Variants in CACNA2D3 observed in about 807,000 individuals in gnomAD.
The protein encoded by CACNA2D3 is voltage-dependent calcium channel subunit alpha-2/delta-3.
CACNA2D3 carries 60 observed loss-of-function variants against 160.6 expected under a neutral mutation model. The ratio of observed to expected loss-of-function variants is 0.37; its 90% confidence interval spans 0.30 to 0.46. The LOEUF (loss-of-function observed/expected upper bound fraction) is 0.46, where lower values mean the gene tolerates loss of function less well. Ranked by LOEUF, CACNA2D3 falls within the 20% of genes least tolerant of loss-of-function variation. The pLI is 1.00. For missense variants in CACNA2D3, 1,205 were observed against 1,365.0 expected (o/e 0.88, Z 1.85); for synonymous variants, 558 against 492.9 (o/e 1.13, Z -1.75).
intron 35 of CACNA2D3, among the ~76,000 whole-genome samples, chr3:55,046,234 G>A (rs1287362676): frequency 3.5e-5 from 5 of 143,272 alleles, no homozygotes; most frequent in Admixed American, 6.8e-5. Context: ...TATATCTCCC[G>A]ATGCTATCCC....
At chr3:54,436,910 T>C (rs1202196272) in intron 4 of CACNA2D3, among the ~76,000 whole-genome samples, 1 of 152,068 alleles carries the variant, frequency 6.6e-6, no homozygotes, top group East Asian at 1.9e-4. Flanking sequence ...GGTATACACA[T>C]CAGAAGAAAC....
chr3:55,052,406 A>G (rs182490660), intron 35 of CACNA2D3, among the ~76,000 whole-genome samples: 23 of 151,276 alleles, frequency 1.5e-4, no homozygotes, highest in Admixed American at 1.3e-3. Flanking sequence ...TATATTCTAT[A>G]TATATGTTTG....
intron 13 of CACNA2D3, among the ~76,000 whole-genome samples, chr3:54,815,572 G>T (rs1703430941): frequency 6.6e-6 from 1 of 152,210 alleles, no homozygotes; most frequent in Admixed American, 6.5e-5. Context: ...GCTCTAGAGA[G>T]ACAGAGAGAA....
intron 3 of CACNA2D3, among the ~76,000 whole-genome samples, chr3:54,365,743 A>G (rs1348495822): frequency 6.6e-6 from 1 of 152,154 alleles, no homozygotes. Flanking sequence ...CATGCCTGTA[A>G]TCCCAGCTAC....
intron 35 of CACNA2D3, among the ~76,000 whole-genome samples, chr3:55,026,101 C>T (rs1054694935): frequency 9.2e-5 from 14 of 152,140 alleles, no homozygotes; most frequent in Admixed American, 3.3e-4. Flanking sequence ...TCAGAAGCAC[C>T]GACCCCCACA....
chr3:54,314,621 C>CCT, intron 2 of CACNA2D3, among the ~76,000 whole-genome samples: 1 of 152,188 alleles, frequency 6.6e-6, no homozygotes, highest in East Asian at 1.9e-4. Context: ...AAGGTGGTTT[C>CCT]GCATTGTGGT....
At chr3:55,023,004 AG>A (rs1219242950) in intron 35 of CACNA2D3, among the ~76,000 whole-genome samples, 1 of 151,706 alleles carries the variant, frequency 6.6e-6, no homozygotes, top group African/African-American at 2.4e-5. Flanking sequence ...ATTTAAAAAA[AG>A]CATTGCTTTT....
At chr3:54,410,594 C>T (rs546467122) in intron 4 of CACNA2D3, among the ~76,000 whole-genome samples, 6 of 152,268 alleles carry the variant, frequency 3.9e-5, no homozygotes, top group African/African-American at 1.4e-4. Context: ...GCATGGTTTA[C>T]TGAATATTTT....
At chr3:54,260,025 A>G (rs1404575721) in intron 2 of CACNA2D3, among the ~76,000 whole-genome samples, 3 of 152,222 alleles carry the variant, frequency 2.0e-5, no homozygotes, top group African/African-American at 7.2e-5. Context: ...ACTTCTAAGA[A>G]TTAAACCAAA....
intron 17 of CACNA2D3, among the ~76,000 whole-genome samples, chr3:54,867,241 C>T (rs1201022445): frequency 1.3e-5 from 2 of 151,998 alleles, no homozygotes; most frequent in African/African-American, 2.4e-5. Flanking sequence ...GGGAGTTGGA[C>T]ATATGAGAAT....
chr3:54,621,203 A>G (rs1466591828), intron 9 of CACNA2D3, among the ~76,000 whole-genome samples: 1 of 152,224 alleles, frequency 6.6e-6, no homozygotes, highest in Admixed American at 6.5e-5. Flanking sequence ...GGAAGGACTC[A>G]AACATTTATT....
At chr3:54,689,010 A>AAAAAAAAAAAAAAAAG (rs1553785965) in intron 11 of CACNA2D3, among the ~76,000 whole-genome samples, 1 of 85,496 alleles carries the variant, frequency 1.2e-5, no homozygotes, top group African/African-American at 4.3e-5. Context: ...AAAAAAAAAA[A>AAAAAAAAAAAAAAAAG]AGAATGAGGT....
At chr3:55,067,024 C>T (rs963237185) in intron 35 of CACNA2D3, among the ~76,000 whole-genome samples, 1 of 151,940 alleles carries the variant, frequency 6.6e-6, no homozygotes, top group Non-Finnish European at 1.5e-5. Flanking sequence ...CCCTCCGAAG[C>T]ACCATGTTAA....
chr3:55,009,506 T>A, intron 34 of CACNA2D3, 63 bp downstream of exon 34: 1 of 1,413,528 alleles, frequency 7.1e-7, no homozygotes. Flanking sequence ...CACTGGCTAC[T>A]TTTCATCAGG....
chr3:54,133,171 T>C (rs766855759), intron 2 of CACNA2D3, among the ~76,000 whole-genome samples: 3 of 152,194 alleles, frequency 2.0e-5, no homozygotes, highest in Admixed American at 6.5e-5. Context: ...GCAGTAATAA[T>C]AATAATGATG....
intron 27 of CACNA2D3, among the ~76,000 whole-genome samples, chr3:54,915,399 T>A (rs1003259088): frequency 1.3e-5 from 2 of 152,220 alleles, no homozygotes; most frequent in East Asian, 1.9e-4. Context: ...GAAAGAACTA[T>A]ATTTTTAGTT....
At chr3:54,987,429 C>A (rs764194471) in intron 30 of CACNA2D3, among the ~76,000 whole-genome samples, 1 of 152,144 alleles carries the variant, frequency 6.6e-6, no homozygotes, top group African/African-American at 2.4e-5. Flanking sequence ...TGTGTGCATG[C>A]GTGTTTTAAT....
chr3:54,258,825 C>G (rs1214785873), intron 2 of CACNA2D3, among the ~76,000 whole-genome samples: 1 of 152,108 alleles, frequency 6.6e-6, no homozygotes, highest in Admixed American at 6.5e-5. Context: ...TAATAAATAA[C>G]CTATGATAGC....
At chr3:54,504,522 G>A (rs1456899127) in intron 5 of CACNA2D3, among the ~76,000 whole-genome samples, 1 of 152,178 alleles carries the variant, frequency 6.6e-6, no homozygotes, top group Non-Finnish European at 1.5e-5. Context: ...GTTGTTTTCA[G>A]CATCTTTATC....
Sources: gnomAD v4.1 joint callset for allele counts (sites outside exome capture counted in the v4.1 genomes callset) on GRCh38, gnomAD v4.1.1 for gene constraint, MANE v1.5 for transcripts, NCBI Gene and HGNC (gene_info 2026-07-23, HGNC 2026-07-21) for gene names.